TRMT9B: variants seen among roughly 807,000 people sequenced by gnomAD.
TRMT9B encodes the protein probable tRNA methyltransferase 9B.
Under a neutral mutation model 11.5 loss-of-function variants are expected in TRMT9B, and 16 were observed. The observed-to-expected ratio is 1.39, with a 90% confidence interval of 0.94 to 2.11. The LOEUF (loss-of-function observed/expected upper bound fraction) is 2.11. TRMT9B is among the 30% of genes most tolerant of loss of function. The probability of loss-of-function intolerance (pLI) is 0.00; values close to 1 mark genes in which losing one functional copy is unlikely to be tolerated. For synonymous variants in TRMT9B, 274 were observed against 192.4 expected, an observed-to-expected ratio of 1.42 and a Z score of -3.51; for missense variants, 941 against 553.8, an observed-to-expected ratio of 1.70 and a Z score of -7.02.
At chr8:12,946,567 G>T (rs894992984) in intron 1 of TRMT9B, among the ~76,000 whole-genome samples, 1 of 152,188 alleles carries the variant, frequency 6.6e-6, no homozygotes, top group East Asian at 1.9e-4. Flanking sequence ...ATGTCACCCT[G>T]GTGGAGATGT....
chr8:12,954,345 T>A (rs985402149), intron 1 of TRMT9B, among the ~76,000 whole-genome samples: 9 of 152,316 alleles, frequency 5.9e-5, no homozygotes, highest in African/African-American at 2.2e-4. Context: ...CTCCAAAATT[T>A]GAAACACATT....
At chr8:12,968,155 G>A (rs1056222475) in intron 1 of TRMT9B, among the ~76,000 whole-genome samples, 1 of 152,334 alleles carries the variant, frequency 6.6e-6, no homozygotes, top group South Asian at 2.1e-4. Flanking sequence ...TAAGTGCTGG[G>A]ATTACAGACA....
intron 1 of TRMT9B, chr8:12,952,802 C>T (rs1256764025): frequency 1.1e-5 from 5 of 463,042 alleles, no homozygotes; most frequent in Non-Finnish European, 1.4e-5. Flanking sequence ...TGCAATGGCA[C>T]GATCTCGGCT....
intron 1 of TRMT9B, among the ~76,000 whole-genome samples, chr8:12,967,385 C>A (rs1431885924): frequency 2.0e-5 from 3 of 152,198 alleles, no homozygotes; most frequent in Non-Finnish European, 4.4e-5. Flanking sequence ...ACTACTACTA[C>A]ATCCTATAGC....
In TRMT9B at chr8:13,029,404, A is replaced by G. The variant is rs751988368; in HGVS notation, c.*7360A>G. 3 of 167,012 alleles carry G rather than the reference A, an allele frequency of 1.8e-5. No individual in the cohort carries two copies. The highest frequency in any genetic ancestry group is 4.4e-5 in the Non-Finnish European group (3 of 68,108). The allele number at this position is 167,012 out of a possible 1,614,324, so 10.3% of individuals were successfully genotyped here. A position where few individuals can be genotyped will look rare whatever the true frequency, so the allele number is the denominator to read the frequency against. On this transcript the variant is annotated 3_prime_UTR_variant, in exon 5 of 5. Coordinates refer to ENST00000524591, the MANE Select transcript of TRMT9B (RefSeq NM_020844.3). ...TTTTATAATAATGCGAAGTAGTTTT[A>G]TTTGCATTAATCAATAATGTTCAGG...
chr8:12,980,992 C>T (rs1174857306), intron 1 of TRMT9B, among the ~76,000 whole-genome samples: 3 of 152,048 alleles, frequency 2.0e-5, no homozygotes, highest in Non-Finnish European at 4.4e-5. Context: ...AGAAGCAACA[C>T]ATTGATTTAG....
chr8:12,968,938 G>A (rs1803196929), intron 1 of TRMT9B, among the ~76,000 whole-genome samples: 1 of 152,228 alleles, frequency 6.6e-6, no homozygotes, highest in Admixed American at 6.5e-5. Flanking sequence ...TGGGCTGGGT[G>A]AGGTGGCTCA....
chr8:13,018,551 C>T (rs944705677), intron 4 of TRMT9B, among the ~76,000 whole-genome samples: 2 of 152,044 alleles, frequency 1.3e-5, no homozygotes, highest in Non-Finnish European at 2.9e-5. Flanking sequence ...AAAAAATAGT[C>T]AATTATCATT....
intron 2 of TRMT9B, among the ~76,000 whole-genome samples, chr8:12,999,043 G>C (rs1336118677): frequency 6.6e-6 from 1 of 152,116 alleles, no homozygotes; most frequent in Non-Finnish European, 1.5e-5. Context: ...GCTCACGCCT[G>C]TAATCCTAGC....
intron 1 of TRMT9B, among the ~76,000 whole-genome samples, chr8:12,986,421 A>G (rs548419972): frequency 1.3e-5 from 2 of 152,310 alleles, no homozygotes; most frequent in East Asian, 3.9e-4. Flanking sequence ...GTCCCTGTCT[A>G]GAAAGTGCTG....
intron 2 of TRMT9B, among the ~76,000 whole-genome samples, chr8:12,998,663 C>G (rs983148153): frequency 1.6e-4 from 24 of 152,218 alleles, no homozygotes; most frequent in African/African-American, 5.5e-4. Flanking sequence ...TGACAAGGAG[C>G]CACTCTTGGG....
intron 1 of TRMT9B, among the ~76,000 whole-genome samples, chr8:12,969,631 AT>A (rs1563330561): frequency 1.3e-5 from 2 of 151,486 alleles, no homozygotes; most frequent in African/African-American, 4.9e-5. Context: ...TTTTCCTAAT[AT>A]TTTTTCTTTT....
intron 4 of TRMT9B, among the ~76,000 whole-genome samples, chr8:13,020,559 C>T (rs1813638749): frequency 6.6e-6 from 1 of 152,110 alleles, no homozygotes; most frequent in Admixed American, 6.5e-5. Context: ...TCAGCTATTA[C>T]TTTAGAAGTA....
chr8:12,994,145 C>G (rs1365930846), intron 2 of TRMT9B, among the ~76,000 whole-genome samples: 4 of 152,176 alleles, frequency 2.6e-5, no homozygotes, highest in African/African-American at 9.7e-5. Flanking sequence ...CCCAAAGGAA[C>G]AGAGGATAAA....
chr8:13,023,917 G>A lies in TRMT9B; in HGVS notation c.*1873G>A, dbSNP rs978183226. 2.4e-5 allele frequency: 4 copies of A among 167,036 alleles called. No homozygotes were observed. Among genetic ancestry groups the A allele is most frequent in the African/African-American group, 9.7e-5 (4 of 41,440 alleles). 10.3% of individuals were successfully genotyped at this position (167,036 alleles called of 1,614,324 possible). Reference sequence around the variant, plus strand: ...TTGTGTTATCACCATTTTGGTAGATGAGGTTGTCTGGTGAAAATGATGCAT... The same window carrying A: ...TTGTGTTATCACCATTTTGGTAGATAAGGTTGTCTGGTGAAAATGATGCAT... On this transcript the variant is annotated 3_prime_UTR_variant, in exon 5 of 5. Transcript: ENST00000524591.
At chr8:13,017,136 A>G (rs1012894751) in intron 4 of TRMT9B, among the ~76,000 whole-genome samples, 9 of 152,160 alleles carry the variant, frequency 5.9e-5, no homozygotes, top group African/African-American at 2.2e-4. Flanking sequence ...AAAACCCCGA[A>G]TTATCTAGCC....
chr8:12,988,351 T>A (rs536519043), intron 1 of TRMT9B, among the ~76,000 whole-genome samples: 1 of 152,222 alleles, frequency 6.6e-6, no homozygotes, highest in Admixed American at 6.5e-5. Context: ...AGATCCATGA[T>A]AATTAATAAT....
chr8:12,951,444 G>C (rs1396761885), intron 1 of TRMT9B: 1 of 152,382 alleles, frequency 6.6e-6, no homozygotes, highest in Non-Finnish European at 1.5e-5. Flanking sequence ...CTCCTACGCA[G>C]GAAGGGCCAC....
intron 3 of TRMT9B, chr8:13,012,056 GATAC>G (rs1811705721): frequency 4.1e-6 from 4 of 985,376 alleles, no homozygotes; most frequent in Non-Finnish European, 4.8e-6. Context: ...TGGTCTCTCG[GATAC>G]TAGAACTATC....
Sources: gnomAD v4.1 joint callset for allele counts (sites outside exome capture counted in the v4.1 genomes callset) on GRCh38, gnomAD v4.1.1 for gene constraint, MANE v1.5 for transcripts, NCBI Gene and HGNC (gene_info 2026-07-23, HGNC 2026-07-21) for gene names.